ATP11A: variants seen among roughly 807,000 people sequenced by gnomAD.
ATP11A encodes the protein ATPase phospholipid transporting 11A.
Under a neutral mutation model 154.4 loss-of-function variants are expected in ATP11A, and 81 were observed. That is an observed-to-expected ratio of 0.52 (90% confidence interval 0.44 to 0.63). The LOEUF is 0.63. Ranked by LOEUF, ATP11A falls within the 30% of genes least tolerant of loss-of-function variation. The pLI, the probability that ATP11A is intolerant of heterozygous loss-of-function variation, is 0.00. For missense variants in ATP11A, 1,316 were observed against 1,474.3 expected, an observed-to-expected ratio of 0.89 and a Z score of 1.76; for synonymous variants, 623 against 585.9, an observed-to-expected ratio of 1.06 and a Z score of -0.91.
At chr13:112,881,145 C>T (rs2080872187) in intron 29 of ATP11A, 4 of 987,376 alleles carry the variant, frequency 4.1e-6, no homozygotes, top group East Asian at 2.3e-4. Flanking sequence ...CAGCATCCGC[C>T]GCTGCCCCCT....
intron 8 of ATP11A, among the ~76,000 whole-genome samples, chr13:112,821,830 G>A (rs1324406121): frequency 6.6e-6 from 1 of 152,180 alleles, no homozygotes; most frequent in Non-Finnish European, 1.5e-5. Flanking sequence ...TAAAAACGCT[G>A]TTTGTTTTCG....
intron 17 of ATP11A, among the ~76,000 whole-genome samples, chr13:112,845,997 C>T (rs985649431): frequency 6.6e-6 from 1 of 152,316 alleles, no homozygotes; most frequent in Non-Finnish European, 1.5e-5. Context: ...GCAGCTGCTG[C>T]GGGCCGCCTG....
chr13:112,881,939 A>G lies in ATP11A; in HGVS notation c.*73A>G, dbSNP rs1257892573. On this transcript the variant is annotated 3_prime_UTR_variant, in exon 30 of 30. Coordinates refer to ENST00000375645, the MANE Select transcript of ATP11A (RefSeq NM_015205.3). Reference sequence around the variant, plus strand: ...GTACAGCTCCCACTCTCAGCAGGTGACACTCGCGGCCTGGAAGGAGAAGGT... The same window carrying G: ...GTACAGCTCCCACTCTCAGCAGGTGGCACTCGCGGCCTGGAAGGAGAAGGT... 2 of 1,367,598 alleles carry G rather than the reference A, an allele frequency of 1.5e-6. No individual in the cohort carries two copies. Among genetic ancestry groups the G allele is most frequent in the Non-Finnish European group, 2.0e-6 (2 of 1,021,970 alleles). The allele number at this position is 1,367,598 out of a possible 1,614,324, so 84.7% of individuals were successfully genotyped here.
At chr13:112,866,799 C>T (rs539779976) in intron 25 of ATP11A, among the ~76,000 whole-genome samples, 3 of 151,592 alleles carry the variant, frequency 2.0e-5, no homozygotes, top group African/African-American at 7.3e-5. Context: ...TTCCTCTTTA[C>T]TAAACACTGC....
At chr13:112,737,812 A>C (rs1488130141) in intron 1 of ATP11A, among the ~76,000 whole-genome samples, 1 of 152,174 alleles carries the variant, frequency 6.6e-6, no homozygotes, top group Non-Finnish European at 1.5e-5. Flanking sequence ...TGACAAACAC[A>C]GGTTTGCTGC....
intron 19 of ATP11A, 73 bp downstream of exon 19, chr13:112,854,603 C>G: frequency 6.6e-7 from 1 of 1,515,218 alleles, no homozygotes; most frequent in Non-Finnish European, 8.8e-7. Context: ...CCTTCACCTG[C>G]AAGTCGGGGA....
At chr13:112,825,096 A>G (rs1226414174) in intron 10 of ATP11A, among the ~76,000 whole-genome samples, 3 of 151,900 alleles carry the variant, frequency 2.0e-5, no homozygotes, top group Non-Finnish European at 2.9e-5. Context: ...TTGATGCTTA[A>G]TGGTAGAAAT....
At chr13:112,864,994 C>G (rs1336899814) in intron 25 of ATP11A, among the ~76,000 whole-genome samples, 1 of 148,388 alleles carries the variant, frequency 6.7e-6, no homozygotes, top group Non-Finnish European at 1.5e-5. Context: ...TTCAGTGCAG[C>G]CCGCGCAGCT....
At position 112,690,347 on chromosome 13, in the gene ATP11A, C is replaced by T. The variant is rs995443681; in HGVS notation, c.-70C>T. 7 of 1,185,450 alleles carry T rather than the reference C, an allele frequency of 5.9e-6. No homozygotes were observed. The South Asian group carries it at 1.1e-4, about 19-fold the overall frequency. 73.4% of individuals were successfully genotyped at this position (1,185,450 alleles called of 1,614,324 possible). ...GGGGGGCGCGGCCGCACTAGTACCC[C>T]GGAGCCCATGGGCGCGCCGAGCCGG... On this transcript the variant is annotated 5_prime_UTR_variant, in exon 1 of 30. Transcript: ENST00000375645. The surrounding 1 kb of genome is among the most constrained non-coding windows in gnomAD (Gnocchi z 5.6).
At chr13:112,841,831 T>G (rs1315698404) in intron 16 of ATP11A, among the ~76,000 whole-genome samples, 1 of 152,248 alleles carries the variant, frequency 6.6e-6, no homozygotes, top group Non-Finnish European at 1.5e-5. Context: ...CGCAAACGTT[T>G]CCCCTGACTC....
At chr13:112,699,222 G>A (rs902025338) in intron 1 of ATP11A, among the ~76,000 whole-genome samples, 4 of 152,196 alleles carry the variant, frequency 2.6e-5, no homozygotes, top group Non-Finnish European at 5.9e-5. Context: ...ACTCAGATGA[G>A]TTATTCTCAA....
At chr13:112,751,331 C>T (rs2076685643) in intron 1 of ATP11A, among the ~76,000 whole-genome samples, 1 of 152,126 alleles carries the variant, frequency 6.6e-6, no homozygotes, top group Non-Finnish European at 1.5e-5. Flanking sequence ...TCATTTTTTT[C>T]TCTTGATTTG....
rs368607547 is a variant in ATP11A, at chr13:112,860,403, G to A, written c.2844G>A (p.Pro948=). Reference sequence around the variant, plus strand: ...GCATTGACGTGCTCAAGAGAGACCCGACCCTGTACAGGTACCATCCTCCAA... The same window carrying A: ...GCATTGACGTGCTCAAGAGAGACCCAACCCTGTACAGGTACCATCCTCCAA... ...HVGIDVLKRD[P]TLYRDVAKNA... The change falls in exon 24 of 30, where the codon CCG becomes CCA. Residue 948 remains proline, a synonymous_variant. Coordinates refer to ENST00000375645, the MANE Select transcript of ATP11A (RefSeq NM_015205.3). 4.0e-5 allele frequency: 64 copies of A among 1,613,924 alleles called. No homozygotes were observed. Among genetic ancestry groups the A allele is most frequent in the Non-Finnish European group, 5.2e-5 (61 of 1,179,990 alleles).
At chr13:112,710,623 C>T (rs953444721) in intron 1 of ATP11A, among the ~76,000 whole-genome samples, 1 of 152,208 alleles carries the variant, frequency 6.6e-6, no homozygotes, top group Non-Finnish European at 1.5e-5. Flanking sequence ...GCTGGGTTTT[C>T]CTGGGCCTGG....
intron 1 of ATP11A, among the ~76,000 whole-genome samples, chr13:112,694,504 G>A (rs1566336172): frequency 2.0e-5 from 3 of 152,156 alleles, no homozygotes; most frequent in Non-Finnish European, 2.9e-5. Flanking sequence ...AGCTTTACAC[G>A]CTGTGGTAAA....
In ATP11A at chr13:112,838,867, C is replaced by T. The variant is rs73569077; in HGVS notation, c.1705+2616C>T. Among the ~76,000 whole-genome samples, 1,664 of 152,302 alleles carry T rather than the reference C, an allele frequency of 0.011. 28 individuals carry two copies. Among genetic ancestry groups the T allele is most frequent in the African/African-American group, 0.038 (1,575 of 41,570 alleles). On this transcript the variant is annotated intron_variant, in intron 16 of 29. Transcript: ENST00000375645. This position sits in a 1 kb window ranked among gnomAD's most constrained non-coding sequence, Gnocchi z 7.3. ...AAGGTGTTCTGTAAGTAGTAGTCAT[C>T]CCCGGAGAGGTTCACTAATTGCACT...
chr13:112,692,477 T>G, intron 1 of ATP11A, among the ~76,000 whole-genome samples: 1 of 152,228 alleles, frequency 6.6e-6, no homozygotes, highest in East Asian at 1.9e-4. Context: ...GGCCTTCAGC[T>G]GTTTTCTGTT....
Position 112,882,793 on chromosome 13 carries a change from C to T in ATP11A, c.*927C>T, listed in dbSNP as rs931913229. 3.0e-5 allele frequency: 12 copies of T among 399,060 alleles called. No individual in the cohort carries two copies. Among genetic ancestry groups the T allele is most frequent in the South Asian group, 1.3e-4 (1 of 7,864 alleles). The allele number at this position is 399,060 out of a possible 1,614,324, so 24.7% of individuals were successfully genotyped here. On this transcript the variant is annotated 3_prime_UTR_variant, in exon 30 of 30. Coordinates refer to ENST00000375645, the MANE Select transcript of ATP11A (RefSeq NM_015205.3). The surrounding 1 kb of genome is among the most constrained non-coding windows in gnomAD (Gnocchi z 5.1). ...CGGGAGAATGTTGATTTCGCGGGTG[C>T]GAGGGCCGGGAGACAGATACTTGGC...
chr13:112,786,840 C>A (rs2077640467), intron 2 of ATP11A, among the ~76,000 whole-genome samples: 1 of 152,270 alleles, frequency 6.6e-6, no homozygotes, highest in Admixed American at 6.5e-5. Flanking sequence ...GCCGTGTAAA[C>A]TTCTGTGGAG....
Sources: gnomAD v4.1 joint callset for allele counts (sites outside exome capture counted in the v4.1 genomes callset) on GRCh38, gnomAD v4.1.1 for gene constraint, Gnocchi (gnomAD v3.1) non-coding constraint, MANE v1.5 for transcripts, NCBI Gene and HGNC (gene_info 2026-07-23, HGNC 2026-07-21) for gene names.